Variants in CADM2 observed in about 807,000 individuals in gnomAD.
CADM2 encodes immunoglobulin superfamily member 4D.
CADM2 carries 12 observed loss-of-function variants against 49.8 expected under a neutral mutation model. The ratio of observed to expected loss-of-function variants is 0.24; its 90% CI spans 0.15 to 0.39. The LOEUF is 0.39. Among genes scored for constraint, CADM2 ranks in the 10% least tolerant of loss-of-function variants. CADM2 has a pLI of 1.00. For missense variants in CADM2, 378 were observed against 492.3 expected, an observed-to-expected ratio of 0.77 and a Z score of 2.20; for synonymous variants, 214 against 175.4, an observed-to-expected ratio of 1.22 and a Z score of -1.74.
chr3:85,094,870 A>T (rs1320234985), intron 1 of CADM2, among the ~76,000 whole-genome samples: 2 of 151,570 alleles, frequency 1.3e-5, no homozygotes, highest in Non-Finnish European at 2.9e-5. Context: ...TTTTTTTTTT[A>T]AATAAGAAGC....
At chr3:85,480,467 G>A (rs532322987) in intron 1 of CADM2, among the ~76,000 whole-genome samples, 41 of 151,884 alleles carry the variant, frequency 2.7e-4, no homozygotes, top group African/African-American at 9.2e-4. Flanking sequence ...TCATATTTGC[G>A]TGACTCAGGC....
intron 1 of CADM2, among the ~76,000 whole-genome samples, chr3:85,704,755 A>T (rs547498408): frequency 1.3e-5 from 2 of 152,226 alleles, no homozygotes; most frequent in South Asian, 4.2e-4. Context: ...ACACATTCAG[A>T]TACATATGCA....
chr3:85,139,097 G>A (rs1200280606), intron 1 of CADM2, among the ~76,000 whole-genome samples: 1 of 152,114 alleles, frequency 6.6e-6, no homozygotes, highest in Non-Finnish European at 1.5e-5. Context: ...CAAGGGTCAA[G>A]CACAAGACAC....
chr3:86,060,769 G>C (rs187819732), intron 8 of CADM2, among the ~76,000 whole-genome samples: 1 of 152,020 alleles, frequency 6.6e-6, no homozygotes, highest in Non-Finnish European at 1.5e-5. Context: ...AGATCACGAG[G>C]TCAGGAGTTC....
chr3:85,254,334 A>G (rs564753983), intron 1 of CADM2, among the ~76,000 whole-genome samples: 1 of 152,160 alleles, frequency 6.6e-6, no homozygotes, highest in Admixed American at 6.6e-5. Context: ...GAAGCTCTTT[A>G]AACCTAGTCA....
At chr3:85,114,741 T>G (rs1370514673) in intron 1 of CADM2, among the ~76,000 whole-genome samples, 4 of 152,178 alleles carry the variant, frequency 2.6e-5, no homozygotes, top group Admixed American at 1.3e-4. Context: ...TTAACCTTTC[T>G]AAGACTTAGT....
chr3:85,940,801 A>T (rs79604121), intron 7 of CADM2, among the ~76,000 whole-genome samples: 5,089 of 152,202 alleles, frequency 0.033, 288 homozygotes, highest in African/African-American at 0.12. Flanking sequence ...AGTAATCCTG[A>T]GCAAATCACT....
At chr3:85,215,376 A>G (rs1055761311) in intron 1 of CADM2, among the ~76,000 whole-genome samples, 7 of 151,464 alleles carry the variant, frequency 4.6e-5, no homozygotes, top group South Asian at 2.1e-4. Context: ...AAAAAAAAAA[A>G]AAAAAAGAAA....
chr3:85,151,110 A>G (rs1284455021), intron 1 of CADM2, among the ~76,000 whole-genome samples: 1 of 152,012 alleles, frequency 6.6e-6, no homozygotes, highest in East Asian at 1.9e-4. Context: ...ACAAATGGGT[A>G]TGGGTAAGAA....
intron 1 of CADM2, among the ~76,000 whole-genome samples, chr3:85,344,757 T>A (rs1375122773): frequency 6.6e-6 from 1 of 152,188 alleles, no homozygotes; most frequent in Non-Finnish European, 1.5e-5. Flanking sequence ...AATGTGCATT[T>A]GTACATTTGA....
chr3:85,397,417 A>G (rs1310638738), intron 1 of CADM2, among the ~76,000 whole-genome samples: 2 of 152,196 alleles, frequency 1.3e-5, no homozygotes, highest in Non-Finnish European at 1.5e-5. Context: ...AGATGGTCAG[A>G]CACTTGTACA....
At chr3:84,970,635 A>C (rs957147914) in intron 1 of CADM2, among the ~76,000 whole-genome samples, 3 of 152,056 alleles carry the variant, frequency 2.0e-5, no homozygotes, top group Non-Finnish European at 4.4e-5. Flanking sequence ...TCATAGAGAA[A>C]TATATATTCT....
At chr3:85,906,969 C>G (rs1716888817) in intron 5 of CADM2, among the ~76,000 whole-genome samples, 1 of 152,094 alleles carries the variant, frequency 6.6e-6, no homozygotes, top group Non-Finnish European at 1.5e-5. Flanking sequence ...TACTTTAGGT[C>G]AGTTAAGAAA....
At chr3:85,710,135 T>G (rs2067073534) in intron 1 of CADM2, among the ~76,000 whole-genome samples, 1 of 152,094 alleles carries the variant, frequency 6.6e-6, no homozygotes, top group Non-Finnish European at 1.5e-5. Flanking sequence ...TGTATAGAGG[T>G]AGGTACAACA....
chr3:84,970,044 C>CTTTTTTT (rs33980527), intron 1 of CADM2, among the ~76,000 whole-genome samples: 21 of 103,566 alleles, frequency 2.0e-4, no homozygotes, highest in African/African-American at 6.0e-4. Context: ...GACTGACCTG[C>CTTTTTTT]TTTTTTTTTT....
intron 2 of CADM2, 86 bp downstream of exon 2, chr3:85,726,634 C>A: frequency 2.9e-6 from 3 of 1,032,596 alleles, no homozygotes; most frequent in Non-Finnish European, 4.5e-6. Flanking sequence ...AGAACCAATT[C>A]GGTTGGTGAT....
chr3:85,599,499 A>G (rs4856278), intron 1 of CADM2, among the ~76,000 whole-genome samples: 120,594 of 151,840 alleles, frequency 0.79, 48,085 homozygotes, highest in East Asian at 0.94. Flanking sequence ...TCTTTCTGTC[A>G]TTAAAATCCT....
intron 1 of CADM2, among the ~76,000 whole-genome samples, chr3:85,355,543 TA>T (rs1448014592): frequency 6.6e-6 from 1 of 152,268 alleles, no homozygotes; most frequent in Non-Finnish European, 1.5e-5. Flanking sequence ...TTCATTCACT[TA>T]TTTAACAAGA....
chr3:85,684,343 A>C (rs1410451098), intron 1 of CADM2, among the ~76,000 whole-genome samples: 1 of 152,102 alleles, frequency 6.6e-6, no homozygotes, highest in African/African-American at 2.4e-5. Context: ...GTAAAGAAGA[A>C]GATTTGTTTG....
Sources: allele counts gnomAD v4.1 joint callset (sites outside exome capture counted in the v4.1 genomes callset), GRCh38; gene constraint gnomAD v4.1.1; transcripts MANE v1.5; gene names NCBI Gene and HGNC (gene_info 2026-07-23, HGNC 2026-07-21).